The following NCAM2 variants were observed in gnomAD, a reference collection of about 807,000 sequenced individuals.
NCAM2 encodes the protein N-CAM-2.
NCAM2 carries 30 observed loss-of-function variants against 98.1 expected under a neutral mutation model. The ratio of observed to expected loss-of-function variants is 0.31; its 90% CI spans 0.23 to 0.41. The LOEUF is 0.41. Among genes scored for constraint, NCAM2 ranks in the 10% least tolerant of loss-of-function variants. NCAM2 has a pLI of 1.00. For synonymous variants in NCAM2, 368 were observed against 342.4 expected (o/e 1.07, Z -0.83); for missense variants, 867 against 1,005.8 (o/e 0.86, Z 1.87).
At chr21:21,493,926 T>A (rs967087514) in intron 15 of NCAM2, among the ~76,000 whole-genome samples, 4 of 152,106 alleles carry the variant, frequency 2.6e-5, no homozygotes, top group Admixed American at 1.3e-4. Flanking sequence ...ATGCATTATA[T>A]AATAATAGAC....
intron 1 of NCAM2, among the ~76,000 whole-genome samples, chr21:21,215,757 C>T (rs1055032301): frequency 6.6e-5 from 10 of 150,948 alleles, no homozygotes; most frequent in East Asian, 3.9e-4. Flanking sequence ...ACAGAGTAAA[C>T]GTGTGTGTGT....
intron 12 of NCAM2, among the ~76,000 whole-genome samples, chr21:21,459,592 T>G (rs2146184287): frequency 6.7e-6 from 1 of 149,652 alleles, no homozygotes; most frequent in Non-Finnish European, 1.5e-5. Flanking sequence ...TATACATTTA[T>G]ATACATTATT....
intron 16 of NCAM2, among the ~76,000 whole-genome samples, chr21:21,510,924 A>G (rs942190774): frequency 2.6e-5 from 4 of 151,976 alleles, no homozygotes; most frequent in African/African-American, 9.7e-5. Flanking sequence ...TCCTGTCCCT[A>G]TTCAATCTCG....
chr21:21,073,835 G>A (rs576286616), intron 1 of NCAM2, among the ~76,000 whole-genome samples: 78 of 152,224 alleles, frequency 5.1e-4, no homozygotes, highest in Middle Eastern at 3.4e-3. Flanking sequence ...ATATATGCTC[G>A]TTTCCAGTCC....
intron 1 of NCAM2, among the ~76,000 whole-genome samples, chr21:21,132,354 T>G (rs2066952835): frequency 6.6e-6 from 1 of 151,906 alleles, no homozygotes; most frequent in South Asian, 2.1e-4. Context: ...AATTTTCCCA[T>G]TTCATCTCAA....
At chr21:21,138,842 T>G (rs2067113184) in intron 1 of NCAM2, among the ~76,000 whole-genome samples, 1 of 152,148 alleles carries the variant, frequency 6.6e-6, no homozygotes, top group Non-Finnish European at 1.5e-5. Context: ...GAAGCCAACT[T>G]AGGTAAGGTA....
intron 11 of NCAM2, among the ~76,000 whole-genome samples, chr21:21,429,629 A>G (rs939208897): frequency 6.6e-6 from 1 of 152,224 alleles, no homozygotes; most frequent in Admixed American, 6.5e-5. Flanking sequence ...CTGAAAAGAC[A>G]TGCAGATTAA....
chr21:21,085,229 G>A (rs2065885431), intron 1 of NCAM2, among the ~76,000 whole-genome samples: 1 of 151,406 alleles, frequency 6.6e-6, no homozygotes, highest in African/African-American at 2.4e-5. Context: ...AAAGAATGGA[G>A]AGTTTCTTAA....
intron 1 of NCAM2, among the ~76,000 whole-genome samples, chr21:21,040,471 GA>G (rs1353961482): frequency 1.3e-5 from 2 of 151,930 alleles, no homozygotes; most frequent in South Asian, 2.1e-4. Context: ...TAAACCAATG[GA>G]AACGTCCACT....
rs142782002 is a variant in NCAM2 at position 21,514,772 on chromosome 21, G to A, written c.2282+5717G>A. 1.2e-4 allele frequency among the ~76,000 whole-genome samples: 18 copies of A among 152,218 alleles called. No homozygotes were observed. The East Asian group carries it at 2.1e-3, about 18-fold the overall frequency. On this transcript the variant is annotated intron_variant, in intron 16 of 17. Transcript: ENST00000400546. ...AAATGTCATTCTTTTCTCATGAATA[G>A]CAGTGCCATGGTTGTGACATCTCAG...
At chr21:21,098,142 T>C (rs149931774) in intron 1 of NCAM2, among the ~76,000 whole-genome samples, 12 of 150,952 alleles carry the variant, frequency 7.9e-5, no homozygotes, top group African/African-American at 2.9e-4. Flanking sequence ...GTACACATAT[T>C]ATATAGTTTT....
At chr21:21,456,427 T>C (rs1297505460) in intron 12 of NCAM2, among the ~76,000 whole-genome samples, 1 of 152,196 alleles carries the variant, frequency 6.6e-6, no homozygotes, top group East Asian at 1.9e-4. Flanking sequence ...TGAATTGTAT[T>C]CATTTTATAG....
intron 1 of NCAM2, among the ~76,000 whole-genome samples, chr21:21,254,796 G>T (rs1164093569): frequency 2.0e-5 from 3 of 152,052 alleles, no homozygotes; most frequent in African/African-American, 7.2e-5. Flanking sequence ...TAGGGTTATA[G>T]GCCCTCCATT....
intron 16 of NCAM2, among the ~76,000 whole-genome samples, chr21:21,530,974 A>C (rs895744501): frequency 6.6e-6 from 1 of 152,046 alleles, no homozygotes; most frequent in Admixed American, 6.5e-5. Context: ...AAATATCACC[A>C]ATTTATTTTT....
intron 5 of NCAM2, among the ~76,000 whole-genome samples, chr21:21,316,920 C>T (rs1027864127): frequency 6.6e-6 from 1 of 152,150 alleles, no homozygotes; most frequent in Non-Finnish European, 1.5e-5. Context: ...ACATAAACCC[C>T]CCGGTGCCAA....
intron 1 of NCAM2, among the ~76,000 whole-genome samples, chr21:21,138,352 G>C (rs1186175139): frequency 1.3e-5 from 2 of 152,160 alleles, no homozygotes; most frequent in Non-Finnish European, 2.9e-5. Flanking sequence ...GACAAAGCCA[G>C]GGGTTTCAGA....
intron 1 of NCAM2, among the ~76,000 whole-genome samples, chr21:21,245,696 G>T (rs1401772685): frequency 6.6e-6 from 1 of 152,130 alleles, no homozygotes; most frequent in Non-Finnish European, 1.5e-5. Flanking sequence ...TAAACTGTTT[G>T]TTTCATAATT....
Position 21,364,621 on chromosome 21 carries a change from C to T in NCAM2, c.1045-9242C>T, listed in dbSNP as rs528465557. On this transcript the variant is annotated intron_variant, in intron 8 of 17. Transcript: ENST00000400546. The stretch of plus-strand genomic sequence containing the variant: ...ATATACATATATACACATGTATATA[C>T]ATGTATATGTATACGTATACATAAA... Among the ~76,000 whole-genome samples, 15 of 151,648 alleles carry T rather than the reference C, an allele frequency of 9.9e-5. No individual in the cohort carries two copies. In the South Asian group the frequency reaches 2.7e-3, roughly 27 times the overall value.
chr21:21,444,233 G>A (rs978065661), intron 12 of NCAM2, among the ~76,000 whole-genome samples: 3 of 152,144 alleles, frequency 2.0e-5, no homozygotes, highest in African/African-American at 7.2e-5. Context: ...GATTCAGTTT[G>A]CCAGTATTTT....
Sources: allele counts gnomAD v4.1 joint callset (sites outside exome capture counted in the v4.1 genomes callset), GRCh38; gene constraint gnomAD v4.1.1; transcripts MANE v1.5; gene names NCBI Gene and HGNC (gene_info 2026-07-23, HGNC 2026-07-21).